EXD3: variants seen among roughly 807,000 people sequenced by gnomAD.
EXD3 encodes exonuclease mut-7 homolog.
In EXD3, 92 loss-of-function variants were observed where a neutral mutation model predicts 98.0. The ratio of observed to expected loss-of-function variants is 0.94; its 90% CI spans 0.79 to 1.12. The LOEUF is 1.12. EXD3 is among the 50% of genes most tolerant of loss of function. The probability of loss-of-function intolerance (pLI) is 0.00; values close to 1 mark genes in which losing one functional copy is unlikely to be tolerated. For missense variants in EXD3, 1,222 were observed against 1,191.6 expected (o/e 1.03, Z -0.38); for synonymous variants, 569 against 526.0 (o/e 1.08, Z -1.12).
chr9:137,398,479 TG>T (rs1044302364), intron 1 of EXD3, among the ~76,000 whole-genome samples: 2 of 152,158 alleles, frequency 1.3e-5, no homozygotes, highest in African/African-American at 4.8e-5. Context: ...AGTAGCCCTT[TG>T]CTTGTCTGAG....
Position 137,324,014 on chromosome 9 carries a change from G to A in EXD3, c.2052+76C>T. 6.5e-7 allele frequency: 1 copy of A among 1,538,584 alleles called. No individual in the cohort carries two copies. Among genetic ancestry groups the A allele is most frequent in the Non-Finnish European group, 8.8e-7 (1 of 1,136,658 alleles). On this transcript the variant is annotated intron_variant, in intron 18 of 21. Coordinates refer to ENST00000340951, the MANE Select transcript of EXD3 (RefSeq NM_017820.5). This position sits in a 1 kb window ranked among gnomAD's most constrained non-coding sequence, Gnocchi z 4.1. ...CGGCCCCACGGCAAGCTGACCCTGAGGTGGGGGTGGCCGAGGGGCTGGGGG... is the reference window on the plus strand; with the variant it reads ...CGGCCCCACGGCAAGCTGACCCTGAAGTGGGGGTGGCCGAGGGGCTGGGGG...
chr9:137,354,328 C>T lies in EXD3; in HGVS notation c.870+11G>A. The T allele has an allele frequency of 2.5e-6, 4 of 1,612,146 alleles. No individual in the cohort carries two copies. The highest frequency in any genetic ancestry group is 1.3e-5 in the African/African-American group (1 of 75,064). On this transcript the variant is annotated intron_variant, in intron 10 of 21. Transcript: ENST00000340951. ...CGCCCTGCCGGCTTACAGGCAAGGG[C>T]ACGAACTCACCTGCACATGGTCGGT...
rs1554743327 is a variant in EXD3 at position 137,420,737 on chromosome 9, A to ACCG, written c.-48+2376_-48+2377insCGG. 6.2e-5 allele frequency among the ~76,000 whole-genome samples: 7 copies of ACCG among 112,466 alleles called. 1 individual carries two copies. The highest frequency in any genetic ancestry group is 6.7e-4 in the South Asian group (2 of 2,998). The allele number at this position is 112,466 out of a possible 152,430, so 73.8% of individuals were successfully genotyped here. A position where few individuals can be genotyped will look rare whatever the true frequency, so the allele number is the denominator to read the frequency against. ...TTTGGGACCTGGAGGACAGACATTC[A>ACCG]CCCCCCCCCCCAAATTCATACAGGT... On this transcript the variant is annotated intron_variant, in intron 1 of 21. Transcript: ENST00000340951.
intron 17 of EXD3, among the ~76,000 whole-genome samples, chr9:137,330,551 AGCTACACAGGGCTCCACAGGAG>A (rs1833004134): frequency 9.6e-6 from 1 of 103,758 alleles, no homozygotes. Context: ...GCTACACAGG[AGCTACACAGGGCTCCACAGGAG>A]CTACACAGGA....
chr9:137,318,094 C>A (rs904406536), intron 19 of EXD3, among the ~76,000 whole-genome samples: 3 of 152,224 alleles, frequency 2.0e-5, no homozygotes, highest in African/African-American at 7.2e-5. Flanking sequence ...GGCACTGGGG[C>A]CCCCAGGCTG....
intron 3 of EXD3, among the ~76,000 whole-genome samples, chr9:137,383,037 G>A (rs1024617227): frequency 6.6e-6 from 1 of 152,236 alleles, no homozygotes; most frequent in Non-Finnish European, 1.5e-5. Flanking sequence ...CTGTGTCCCT[G>A]CAGGTGAGTG....
At chr9:137,382,734 C>T (rs1235545750) in intron 3 of EXD3, among the ~76,000 whole-genome samples, 1 of 152,040 alleles carries the variant, frequency 6.6e-6, no homozygotes, top group East Asian at 1.9e-4. Context: ...GAGGGCGTCC[C>T]CCGGACCTGC....
chr9:137,335,089 A>G (rs1564486800), intron 17 of EXD3, among the ~76,000 whole-genome samples: 1 of 151,948 alleles, frequency 6.6e-6, no homozygotes, highest in Non-Finnish European at 1.5e-5. Context: ...AAGGAAAAAA[A>G]AAAACAAACA....
intron 12 of EXD3, 131 bp downstream of exon 12, chr9:137,351,935 G>A: frequency 8.2e-7 from 1 of 1,225,042 alleles, no homozygotes; most frequent in South Asian, 1.5e-5. Context: ...CCTCACAGCA[G>A]CCCTGGGGCA....
At chr9:137,354,887 C>T (rs1453128062) in intron 8 of EXD3, 114 bp from the exon 9 acceptor site, 12 of 1,048,350 alleles carry the variant, frequency 1.1e-5, no homozygotes, top group African/African-American at 1.6e-5. Context: ...CACCGTCCTC[C>T]ACCTCTGCCC....
intron 5 of EXD3, among the ~76,000 whole-genome samples, chr9:137,369,728 G>T (rs967316050): frequency 2.0e-4 from 30 of 152,250 alleles, no homozygotes; most frequent in African/African-American, 7.2e-4. Context: ...CCTGGGTGGG[G>T]CTGGGTACTG....
At chr9:137,374,424 G>A (rs1343699686) in intron 3 of EXD3, 3 of 388,406 alleles carry the variant, frequency 7.7e-6, no homozygotes, top group African/African-American at 2.2e-5. Flanking sequence ...AGCGTGGGCC[G>A]CGCTGTTCTC....
chr9:137,355,471 A>AGGAGGACGGAGGAAGGAGGAT (rs1834608468), intron 8 of EXD3, among the ~76,000 whole-genome samples: 1 of 110,352 alleles, frequency 9.1e-6, no homozygotes, highest in Non-Finnish European at 1.8e-5. Context: ...GAAAGGAGGA[A>AGGAGGACGGAGGAAGGAGGAT]GGAGGAAGGA....
rs1834472833 is a variant in EXD3 at position 137,354,122 on chromosome 9, T to C, written c.870+217A>G. On this transcript the variant is annotated intron_variant, in intron 10 of 21. Transcript: ENST00000340951. ...GCCGTCTGCCTGGAACGAGGCCCAG[T>C]CAGGCTCTACTGATGCCCTCGGCTC... 3.7e-6 allele frequency: 5 copies of C among 1,367,558 alleles called. No individual in the cohort carries two copies. In the South Asian group the frequency reaches 9.0e-5, roughly 25 times the overall value. The allele number at this position is 1,367,558 out of a possible 1,614,324, so 84.7% of individuals were successfully genotyped here.
At chr9:137,309,348 C>T (rs939321623) in intron 20 of EXD3, among the ~76,000 whole-genome samples, 2 of 152,116 alleles carry the variant, frequency 1.3e-5, no homozygotes, top group Non-Finnish European at 2.9e-5. Flanking sequence ...TCCAGAGGGT[C>T]GCCAAGGGCC....
Position 137,371,891 on chromosome 9 carries a change from C to T in EXD3, c.462+1014G>A, listed in dbSNP as rs1835632762. 6.6e-6 allele frequency among the ~76,000 whole-genome samples: 1 copy of T among 152,040 alleles called. No homozygotes were observed. The highest frequency in any genetic ancestry group is 2.4e-5 in the African/African-American group (1 of 41,402). ...CTCCCCTGCACCTGCAGGAACAGCTCAGAGCCACCCCACGCAAGACGGCCG... is the reference window on the plus strand; with the variant it reads ...CTCCCCTGCACCTGCAGGAACAGCTTAGAGCCACCCCACGCAAGACGGCCG... On this transcript the variant is annotated intron_variant, in intron 5 of 21. Transcript: ENST00000340951. The surrounding 1 kb of genome is among the most constrained non-coding windows in gnomAD (Gnocchi z 8.0).
In EXD3 at chr9:137,370,873, C is replaced by T. The variant is rs138683508; in HGVS notation, c.462+2032G>A. 1.2e-3 allele frequency among the ~76,000 whole-genome samples: 180 copies of T among 151,286 alleles called. No homozygotes were observed. The Middle Eastern group carries it at 0.031, about 26-fold the overall frequency. On this transcript the variant is annotated intron_variant, in intron 5 of 21. Transcript: ENST00000340951. ...AAAAAATGTAAATAAAATAACTCAG[C>T]GGACAAAAGCAGGCATTCATCCTGC...
chr9:137,348,778 G>A (rs1236682949), intron 16 of EXD3, among the ~76,000 whole-genome samples: 6 of 128,494 alleles, frequency 4.7e-5, no homozygotes, highest in Non-Finnish European at 1.0e-4. Flanking sequence ...GGGAGGGGGA[G>A]GGGGCTAGAT....
chr9:137,376,886 G>A (rs942471351), intron 3 of EXD3, among the ~76,000 whole-genome samples: 4 of 141,634 alleles, frequency 2.8e-5, no homozygotes, highest in Non-Finnish European at 6.0e-5. Context: ...CCGAGATTGC[G>A]CCACTGCTCT....
Sources: gnomAD v4.1 joint callset for allele counts (sites outside exome capture counted in the v4.1 genomes callset) on GRCh38, gnomAD v4.1.1 for gene constraint, Gnocchi (gnomAD v3.1) non-coding constraint, MANE v1.5 for transcripts, NCBI Gene and HGNC (gene_info 2026-07-23, HGNC 2026-07-21) for gene names.